The following PRKCB variants were observed in gnomAD, a reference collection of about 807,000 sequenced individuals.
The protein encoded by PRKCB is protein kinase C beta.
A neutral mutation model predicts 81.5 loss-of-function variants in PRKCB; 13 were observed. The observed-to-expected ratio is 0.16, with a 90% CI of 0.10 to 0.25. The LOEUF (loss-of-function observed/expected upper bound fraction) is 0.25. Among genes scored for constraint, PRKCB ranks in the 10% least tolerant of loss-of-function variants. PRKCB has a pLI of 1.00. For synonymous variants in PRKCB, 335 were observed against 321.4 expected (o/e 1.04, Z -0.45); for missense variants, 509 against 875.7 (o/e 0.58, Z 5.29).
At chr16:24,136,865 ATTTTTTTATTTTGT>A (rs1966866562) in intron 9 of PRKCB, among the ~76,000 whole-genome samples, 2 of 151,868 alleles carry the variant, frequency 1.3e-5, no homozygotes, top group East Asian at 3.9e-4. Context: ...TTTTATTTTA[ATTTTTTTATTTTGT>A]TTATTTATTT....
At chr16:24,063,920 G>C (rs1386756925) in intron 5 of PRKCB, among the ~76,000 whole-genome samples, 1 of 152,162 alleles carries the variant, frequency 6.6e-6, no homozygotes, top group Non-Finnish European at 1.5e-5. Context: ...CCATGCTGTG[G>C]TATAACTTGC....
chr16:23,861,586 C>G (rs1962665296), intron 2 of PRKCB, among the ~76,000 whole-genome samples: 1 of 152,192 alleles, frequency 6.6e-6, no homozygotes, highest in Non-Finnish European at 1.5e-5. Flanking sequence ...TTTGCTCTGC[C>G]ATCCTCAAAA....
At chr16:23,996,886 A>G (rs1417146532) in intron 3 of PRKCB, among the ~76,000 whole-genome samples, 6 of 152,130 alleles carry the variant, frequency 3.9e-5, no homozygotes, top group South Asian at 2.1e-4. Context: ...AGAAGGCTAT[A>G]TATGCTCTGA....
rs190719474 is a variant in PRKCB, at chr16:23,875,408, T to C, written c.205+38002T>C. Among the ~76,000 whole-genome samples the C allele has an allele frequency of 4.6e-5, 7 of 151,792 alleles. No homozygotes were observed. In the East Asian group the frequency reaches 1.2e-3, roughly 25 times the overall value. ...GAGGAGGAAGACCCAGGGACCCTTT[T>C]TAGCAGAGCTTACCAGCGGGTGTCC... On this transcript the variant is annotated intron_variant, in intron 2 of 16. Coordinates refer to ENST00000643927, the MANE Select transcript of PRKCB (RefSeq NM_002738.7).
At chr16:23,966,633 G>A (rs1182601544) in intron 2 of PRKCB, among the ~76,000 whole-genome samples, 1 of 152,168 alleles carries the variant, frequency 6.6e-6, no homozygotes, top group Non-Finnish European at 1.5e-5. Flanking sequence ...ATCCCTTTAA[G>A]TTGGGTGTCT....
At chr16:24,062,455 G>A (rs533575832) in intron 5 of PRKCB, among the ~76,000 whole-genome samples, 30 of 152,356 alleles carry the variant, frequency 2.0e-4, no homozygotes, top group African/African-American at 7.0e-4. Context: ...CCAGTCACAT[G>A]ACCAAACCCA....
intron 7 of PRKCB, among the ~76,000 whole-genome samples, chr16:24,103,656 C>T (rs1480343754): frequency 6.6e-6 from 1 of 152,116 alleles, no homozygotes; most frequent in Non-Finnish European, 1.5e-5. Flanking sequence ...ATTCCGTCAC[C>T]CAGGTACTGA....
rs140707288 is a variant in PRKCB at position 24,016,108 on chromosome 16, G to A, written c.289-16028G>A. On this transcript the variant is annotated intron_variant, in intron 3 of 16. Transcript: ENST00000643927. ...TTGTTATCCCCTAGGGATAACTACCGCTAGGGTTATTATCCTAGCTCCCCC... is the reference window on the plus strand; with the variant it reads ...TTGTTATCCCCTAGGGATAACTACCACTAGGGTTATTATCCTAGCTCCCCC... Among the ~76,000 whole-genome samples, 230 of 152,138 alleles carry A rather than the reference G, an allele frequency of 1.5e-3. 1 individual carries two copies. Among genetic ancestry groups the A allele is most frequent in the African/African-American group, 5.2e-3 (214 of 41,504 alleles).
intron 9 of PRKCB, among the ~76,000 whole-genome samples, chr16:24,148,376 A>G (rs184844306): frequency 6.4e-4 from 98 of 152,312 alleles, no homozygotes; most frequent in Non-Finnish European, 1.1e-3. Flanking sequence ...TTATTTGTAC[A>G]GGAGTGTAAG....
At chr16:23,837,513 G>A in intron 2 of PRKCB, 107 bp downstream of exon 2, 1 of 1,376,128 alleles carries the variant, frequency 7.3e-7, no homozygotes, top group Admixed American at 2.2e-5. Context: ...CACGTTGGTC[G>A]GAGTGACCTC....
Position 23,999,029 on chromosome 16 carries a change from T to C in PRKCB, c.288+10439T>C, listed in dbSNP as rs146976413. On this transcript the variant is annotated intron_variant, in intron 3 of 16. Transcript: ENST00000643927. ...CTGGATACAGTTCCAAAAAGGTCAG[T>C]TGGCACCAAGGATGATGAATTGGTC... Among the ~76,000 whole-genome samples the C allele has an allele frequency of 2.0e-3, 308 of 152,364 alleles. 1 individual carries two copies. Among genetic ancestry groups the C allele is most frequent in the African/African-American group, 7.0e-3 (293 of 41,582 alleles).
chr16:23,884,503 A>AGGT (rs1423011836), intron 2 of PRKCB, among the ~76,000 whole-genome samples: 3 of 152,202 alleles, frequency 2.0e-5, no homozygotes, highest in East Asian at 3.9e-4. Flanking sequence ...TTTGAACACC[A>AGGT]CATCCAGGGC....
chr16:24,000,719 G>A (rs1262608702), intron 3 of PRKCB, among the ~76,000 whole-genome samples: 3 of 152,126 alleles, frequency 2.0e-5, no homozygotes, highest in Non-Finnish European at 4.4e-5. Context: ...CCATAATCAA[G>A]AATGTACTGA....
intron 2 of PRKCB, among the ~76,000 whole-genome samples, chr16:23,973,607 A>G (rs1042418161): frequency 3.9e-5 from 6 of 151,978 alleles, no homozygotes; most frequent in Non-Finnish European, 8.8e-5. Context: ...TCAAATGGGA[A>G]CATACAGTGA....
intron 8 of PRKCB, among the ~76,000 whole-genome samples, chr16:24,113,352 C>G (rs1436267543): frequency 1.5e-5 from 2 of 135,502 alleles, no homozygotes; most frequent in East Asian, 2.0e-4. Context: ...CTTTACCCCC[C>G]TTTTCTTTGT....
At chr16:24,059,046 A>G (rs1017777463) in intron 5 of PRKCB, among the ~76,000 whole-genome samples, 5 of 152,222 alleles carry the variant, frequency 3.3e-5, no homozygotes, top group Admixed American at 2.6e-4. Flanking sequence ...GTGATAGCCA[A>G]TTAGGGTTAG....
intron 16 of PRKCB, chr16:24,191,495 G>A (rs751142684): frequency 1.2e-5 from 4 of 339,602 alleles, no homozygotes; most frequent in Non-Finnish European, 2.1e-5. Context: ...TGTCTTAGCT[G>A]ACAACTTTCT....
chr16:24,069,995 C>A (rs986738723), intron 5 of PRKCB, among the ~76,000 whole-genome samples: 1 of 152,052 alleles, frequency 6.6e-6, no homozygotes, highest in South Asian at 2.1e-4. Context: ...ACTGTCAATA[C>A]GACAAATAAA....
rs1285637260 is a variant in PRKCB, at chr16:24,049,320, TAACCAC to T, written c.529+13774_529+13779del. 3.4e-3 allele frequency among the ~76,000 whole-genome samples: 514 copies of T among 151,008 alleles called. 4 individuals are homozygous for T. Among genetic ancestry groups the T allele is most frequent in the African/African-American group, 0.012 (495 of 41,088 alleles). On this transcript the variant is annotated intron_variant, in intron 5 of 16. Coordinates refer to ENST00000643927, the MANE Select transcript of PRKCB (RefSeq NM_002738.7). ...CTGGCACATCCGGGACCTGCACCCT[TAACCAC>T]TACCCTGGCACATCCGGGACCTGCA...
Sources: gnomAD v4.1 joint callset for allele counts (sites outside exome capture counted in the v4.1 genomes callset) on GRCh38, gnomAD v4.1.1 for gene constraint, MANE v1.5 for transcripts, NCBI Gene and HGNC (gene_info 2026-07-23, HGNC 2026-07-21) for gene names.